The following DDR2 variants were observed in gnomAD, a reference collection of about 807,000 sequenced individuals.
DDR2 encodes discoidin domain receptor tyrosine kinase 2.
In DDR2, 27 loss-of-function variants were observed where a neutral mutation model predicts 94.9. That is an observed-to-expected ratio of 0.28 (90% CI 0.21 to 0.39). The LOEUF (loss-of-function observed/expected upper bound fraction) is 0.39. Ranked by LOEUF, DDR2 falls within the 10% of genes least tolerant of loss-of-function variation. DDR2 has a pLI of 1.00. For synonymous variants in DDR2, 382 were observed against 377.2 expected (o/e 1.01, Z -0.15); for missense variants, 783 against 1,076.0 (o/e 0.73, Z 3.81).
chr1:162,760,281 A>G (rs1663650315), intron 8 of DDR2, among the ~76,000 whole-genome samples: 1 of 151,918 alleles, frequency 6.6e-6, no homozygotes, highest in South Asian at 2.1e-4. Context: ...AGACGCATAA[A>G]AATGCTCTAA....
chr1:162,683,437 CTCTCCTAGAACTAATAAAT>C (rs1344865813), intron 2 of DDR2, among the ~76,000 whole-genome samples: 5 of 152,074 alleles, frequency 3.3e-5, no homozygotes, highest in Non-Finnish European at 5.9e-5. Flanking sequence ...TTACAAAAAA[CTCTCCTAGAACTAATAAAT>C]TCTCCTAGAA....
At chr1:162,708,153 C>T (rs1278543192) in intron 2 of DDR2, among the ~76,000 whole-genome samples, 1 of 152,168 alleles carries the variant, frequency 6.6e-6, no homozygotes, top group East Asian at 1.9e-4. Context: ...AAGGGAAAGA[C>T]ACTAAGATTG....
intron 4 of DDR2, among the ~76,000 whole-genome samples, chr1:162,753,840 A>T (rs1663331846): frequency 6.6e-6 from 1 of 152,186 alleles, no homozygotes; most frequent in Non-Finnish European, 1.5e-5. Flanking sequence ...TGAAGTATTG[A>T]TTTTATTAAA....
At chr1:162,704,595 T>A (rs1325696867) in intron 2 of DDR2, among the ~76,000 whole-genome samples, 1 of 152,216 alleles carries the variant, frequency 6.6e-6, no homozygotes, top group Non-Finnish European at 1.5e-5. Context: ...TAGGGCCCAC[T>A]GCCTGGTTTA....
At chr1:162,663,089 T>C (rs1172878269) in intron 2 of DDR2, among the ~76,000 whole-genome samples, 1 of 152,198 alleles carries the variant, frequency 6.6e-6, no homozygotes, top group Non-Finnish European at 1.5e-5. Context: ...AATAATTGGA[T>C]TTCAATGGGC....
chr1:162,645,266 G>A (rs1657351609), intron 1 of DDR2, among the ~76,000 whole-genome samples: 3 of 152,128 alleles, frequency 2.0e-5, no homozygotes, highest in Admixed American at 6.5e-5. Flanking sequence ...AATAATACAT[G>A]GACATGTTTT....
chr1:162,754,543 G>A (rs1238012960), intron 4 of DDR2, 81 bp from the exon 5 acceptor site: 2 of 1,405,646 alleles, frequency 1.4e-6, no homozygotes, highest in Non-Finnish European at 2.0e-6. Flanking sequence ...CTCAGTACAG[G>A]GCAGCTGCTT....
chr1:162,656,841 TTTTTTTTTATTTTTTTTG>T (rs1657999031), intron 2 of DDR2, among the ~76,000 whole-genome samples: 1 of 118,284 alleles, frequency 8.5e-6, no homozygotes, highest in Non-Finnish European at 1.8e-5. Flanking sequence ...GAGTTTTTTT[TTTTTTTTTATTTTTTTTG>T]TTAACAGGGT....
At position 162,782,090 on chromosome 1, in the gene DDR2, C is replaced by T. The variant is rs1462898899; in HGVS notation, c.*1844C>T. 1.3e-5 allele frequency: 2 copies of T among 152,206 alleles called. No individual in the cohort carries two copies. The highest frequency in any genetic ancestry group is 2.1e-4 in the South Asian group (1 of 4,828). The allele number at this position is 152,206 out of a possible 1,614,324, so 9.4% of individuals were successfully genotyped here. On this transcript the variant is annotated 3_prime_UTR_variant, in exon 18 of 18. Transcript: ENST00000367921. ...TATGCCTTTGGGCTTTAGTCTATCC[C>T]AGGACTAACTGTGGAGAAATCATTG...
At chr1:162,679,259 C>G (rs1659283065) in intron 2 of DDR2, among the ~76,000 whole-genome samples, 1 of 151,990 alleles carries the variant, frequency 6.6e-6, no homozygotes, top group Non-Finnish European at 1.5e-5. Context: ...GTGTGTTTTC[C>G]TTGTTTAGCT....
intron 1 of DDR2, among the ~76,000 whole-genome samples, 182 bp from the exon 2 acceptor site, chr1:162,655,029 C>T (rs778023392): frequency 6.6e-6 from 1 of 151,946 alleles, no homozygotes; most frequent in Non-Finnish European, 1.5e-5. Flanking sequence ...CTTAACTGGG[C>T]AAGTATCAGT....
intron 3 of DDR2, among the ~76,000 whole-genome samples, chr1:162,728,680 C>T (rs1445370276): frequency 1.3e-5 from 2 of 152,136 alleles, no homozygotes; most frequent in Admixed American, 6.5e-5. Context: ...AAAAATTAGA[C>T]AAGCAATAAT....
intron 2 of DDR2, among the ~76,000 whole-genome samples, chr1:162,670,020 GAA>G (rs143116520): frequency 0.045 from 6,807 of 152,270 alleles, 226 homozygotes; most frequent in East Asian, 0.13. Context: ...TAAAATTCCT[GAA>G]AAGAGTTTGC....
At chr1:162,722,796 G>T (rs916390498) in intron 3 of DDR2, among the ~76,000 whole-genome samples, 3 of 152,168 alleles carry the variant, frequency 2.0e-5, no homozygotes, top group African/African-American at 7.2e-5. Context: ...AGTTGGATTA[G>T]ATAATCTATG....
At chr1:162,661,081 T>A (rs575512491) in intron 2 of DDR2, among the ~76,000 whole-genome samples, 45 of 152,190 alleles carry the variant, frequency 3.0e-4, no homozygotes, top group Non-Finnish European at 5.6e-4. Context: ...AGCTGAACCA[T>A]AAACCGTCAT....
rs929827807 is a variant in DDR2 at position 162,786,911 on chromosome 1, T to G, written c.*6665T>G. On this transcript the variant is annotated 3_prime_UTR_variant, in exon 18 of 18. Coordinates refer to ENST00000367921, the MANE Select transcript of DDR2 (RefSeq NM_006182.4). ...TATCGTTATGGTTACAGACTTGTCT[T>G]GTTTGATACACAGAAATCCTTTTTA... The G allele has an allele frequency of 2.0e-5, 3 of 152,242 alleles. No individual in the cohort carries two copies. Among genetic ancestry groups the G allele is most frequent in the African/African-American group, 7.2e-5 (3 of 41,468 alleles). The allele number at this position is 152,242 out of a possible 1,614,324, so 9.4% of individuals were successfully genotyped here.
intron 2 of DDR2, among the ~76,000 whole-genome samples, chr1:162,716,198 T>C (rs766346372): frequency 1.3e-5 from 2 of 152,114 alleles, no homozygotes; most frequent in Non-Finnish European, 2.9e-5. Context: ...GAAGGAATTA[T>C]TGGGGAAGGT....
At chr1:162,747,594 G>C (rs1662948544) in intron 3 of DDR2, among the ~76,000 whole-genome samples, 1 of 152,186 alleles carries the variant, frequency 6.6e-6, no homozygotes, top group South Asian at 2.1e-4. Flanking sequence ...TTATCCAGGA[G>C]AACTTCCCCA....
At chr1:162,676,400 A>G (rs1659126154) in intron 2 of DDR2, among the ~76,000 whole-genome samples, 1 of 152,158 alleles carries the variant, frequency 6.6e-6, no homozygotes, top group Admixed American at 6.5e-5. Flanking sequence ...TTATTAGTTT[A>G]TATAATACTT....
Sources: allele counts gnomAD v4.1 joint callset (sites outside exome capture counted in the v4.1 genomes callset), GRCh38; gene constraint gnomAD v4.1.1; transcripts MANE v1.5; gene names NCBI Gene and HGNC (gene_info 2026-07-23, HGNC 2026-07-21).